The following CCDC57 variants were observed in gnomAD, a reference collection of about 807,000 sequenced individuals.
CCDC57 encodes the protein coiled-coil domain containing 57, also known as coiled-coil domain-containing protein 57.
In CCDC57, 118 loss-of-function variants were observed where a neutral mutation model predicts 118.9. The observed-to-expected ratio is 0.99, with a 90% CI of 0.86 to 1.16. The LOEUF is 1.16. Ranked by LOEUF, CCDC57 falls within the 50% of genes most tolerant of loss-of-function variation. The probability of loss-of-function intolerance (pLI) is 0.00; values close to 1 mark genes in which losing one functional copy is unlikely to be tolerated. For missense variants in CCDC57, 1,300 were observed against 1,320.7 expected (o/e 0.98, Z 0.24); for synonymous variants, 527 against 532.9 (o/e 0.99, Z 0.15).
intron 13 of CCDC57, among the ~76,000 whole-genome samples, chr17:82,164,230 A>C (rs1221381759): frequency 6.6e-6 from 1 of 151,060 alleles, no homozygotes; most frequent in African/African-American, 2.4e-5. Context: ...AAAATACAAA[A>C]ATTAGCCAGG....
chr17:82,134,105 A>C, exon 17 of CCDC57: 1 of 1,423,314 alleles, frequency 7.0e-7, no homozygotes, highest in Non-Finnish European at 9.2e-7. Context: ...ACCTGTCCCA[A>C]AGGTGGGCTG....
chr17:82,131,817 G>T (rs1041755467), intron 17 of CCDC57, among the ~76,000 whole-genome samples: 1 of 151,732 alleles, frequency 6.6e-6, no homozygotes, highest in Admixed American at 6.6e-5. Context: ...TGGCTCCATA[G>T]AGTTTTCTTT....
chr17:82,159,656 A>G (rs914498295), intron 14 of CCDC57, among the ~76,000 whole-genome samples: 4 of 149,570 alleles, frequency 2.7e-5, no homozygotes, highest in Non-Finnish European at 4.4e-5. Flanking sequence ...GAGATATACA[A>G]TTTATATTTG....
At chr17:82,122,388 G>A (rs372135102) in intron 19 of CCDC57, among the ~76,000 whole-genome samples, 4 of 47,724 alleles carry the variant, frequency 8.4e-5, no homozygotes, top group East Asian at 4.7e-4. Context: ...CTCAGAAGTC[G>A]GAGCAAGCAT....
At chr17:82,153,652 C>T (rs1568286414) in intron 15 of CCDC57, 2 of 152,338 alleles carry the variant, frequency 1.3e-5, no homozygotes, top group East Asian at 3.9e-4. Flanking sequence ...TGATGATTCT[C>T]TAAAATCTTT....
chr17:82,127,467 T>C, intron 19 of CCDC57: 1 of 985,358 alleles, frequency 1.0e-6, no homozygotes, highest in Non-Finnish European at 1.2e-6. Flanking sequence ...GGTGCTGCAC[T>C]AGGAAATGGC....
chr17:82,128,642 C>T (rs949630428), intron 17 of CCDC57, 45 bp from the exon 17 acceptor site: 1 of 1,430,796 alleles, frequency 7.0e-7, no homozygotes. Flanking sequence ...TTCACATGTA[C>T]TGATGGTGCA....
chr17:82,204,413 G>A (rs1302422493), intron 2 of CCDC57, among the ~76,000 whole-genome samples: 1 of 152,184 alleles, frequency 6.6e-6, no homozygotes, highest in Non-Finnish European at 1.5e-5. Flanking sequence ...CCACCACAGT[G>A]TCTTACCACA....
intron 4 of CCDC57, among the ~76,000 whole-genome samples, chr17:82,197,540 G>T (rs1355833881): frequency 6.6e-6 from 1 of 152,140 alleles, no homozygotes; most frequent in Admixed American, 6.5e-5. Context: ...CTTTTCCATA[G>T]TAAATAATTC....
At chr17:82,123,155 G>T (rs989241478) in intron 19 of CCDC57, among the ~76,000 whole-genome samples, 9 of 145,242 alleles carry the variant, frequency 6.2e-5, no homozygotes, top group Admixed American at 1.4e-4. Context: ...TAGAGACAGG[G>T]TCTTGCTCTC....
chr17:82,127,686 T>G lies in CCDC57; in HGVS notation c.2899+6A>C, dbSNP rs1310134674. 2 of 1,594,252 alleles carry G rather than the reference T, an allele frequency of 1.3e-6. No individual in the cohort carries two copies. ...TGGGCAGCTCCTGGGGAGGGCAGTC[T>G]CCTACCTGGAGTTGAGTCACCCTGG... On this transcript the variant is annotated splice_donor_region_variant and intron_variant, in intron 19 of 19. Coordinates refer to ENST00000665763, the Ensembl canonical transcript of CCDC57.
intron 13 of CCDC57, 182 bp from the exon 13 acceptor site, chr17:82,163,539 C>CTGTACAGAAAGCATAATCCTCA: frequency 1.5e-6 from 1 of 661,962 alleles, no homozygotes. Flanking sequence ...ATTAGAGATG[C>CTGTACAGAAAGCATAATCCTCA]TGTACAGAAA....
chr17:82,204,229 C>G (rs565781564), intron 2 of CCDC57, among the ~76,000 whole-genome samples: 9 of 152,202 alleles, frequency 5.9e-5, no homozygotes, highest in African/African-American at 2.2e-4. Flanking sequence ...CTGGCTCCTC[C>G]AAGCTGCTGC....
intron 19 of CCDC57, among the ~76,000 whole-genome samples, chr17:82,115,110 G>C (rs1264194059): frequency 6.6e-6 from 1 of 152,226 alleles, no homozygotes; most frequent in Non-Finnish European, 1.5e-5. Flanking sequence ...CTTGGATTCA[G>C]ATCCTGATTC....
intron 5 of CCDC57, 153 bp from the exon 5 acceptor site, chr17:82,194,292 C>T (rs898531120): frequency 1.4e-6 from 1 of 725,948 alleles, no homozygotes; most frequent in Non-Finnish European, 2.2e-6. Flanking sequence ...TAACACAACT[C>T]AAACGAGACT....
At chr17:82,206,125 C>T (rs922802674) in intron 2 of CCDC57, among the ~76,000 whole-genome samples, 6 of 152,232 alleles carry the variant, frequency 3.9e-5, no homozygotes, top group Non-Finnish European at 8.8e-5. Context: ...GGGAAGGCCT[C>T]GCTGTGCGTT....
intron 7 of CCDC57, among the ~76,000 whole-genome samples, chr17:82,190,443 C>G (rs563137079): frequency 6.6e-6 from 1 of 152,146 alleles, no homozygotes; most frequent in African/African-American, 2.4e-5. Flanking sequence ...CCCCTGTAAT[C>G]GCAGCACTTT....
intron 16 of CCDC57, 36 bp from the exon 16 acceptor site, chr17:82,134,230 G>C: frequency 7.8e-7 from 1 of 1,280,124 alleles, no homozygotes; most frequent in Non-Finnish European, 9.9e-7. Flanking sequence ...TGTTCTCTGT[G>C]CATCACTTCT....
At chr17:82,128,838 T>C (rs982438899) in intron 17 of CCDC57, among the ~76,000 whole-genome samples, 3 of 152,116 alleles carry the variant, frequency 2.0e-5, no homozygotes, top group African/African-American at 7.2e-5. Flanking sequence ...AGCCTATGCA[T>C]GGCCTGCCTG....
Sources: allele counts gnomAD v4.1 joint callset (sites outside exome capture counted in the v4.1 genomes callset), GRCh38; gene constraint gnomAD v4.1.1; transcripts MANE v1.5; gene names NCBI Gene and HGNC (gene_info 2026-07-23, HGNC 2026-07-21).